The following CRISP1 variants were observed in gnomAD, a reference collection of about 807,000 sequenced individuals.
CRISP1 encodes cysteine rich secretory protein 1, also known as cysteine-rich secretory protein 1.
CRISP1 carries 44 observed loss-of-function variants against 33.1 expected under a neutral mutation model. That is an observed-to-expected ratio of 1.33 (90% CI 1.05 to 1.71). The LOEUF (loss-of-function observed/expected upper bound fraction) is 1.71, where lower values mean the gene tolerates loss of function less well. Ranked by LOEUF, CRISP1 falls within the 40% of genes most tolerant of loss-of-function variation. The probability of loss-of-function intolerance (pLI) is 0.00; values close to 1 mark genes in which losing one functional copy is unlikely to be tolerated. For missense variants in CRISP1, 390 were observed against 301.2 expected (o/e 1.29, Z -2.18); for synonymous variants, 103 against 98.7 (o/e 1.04, Z -0.26).
intron 1 of CRISP1, among the ~76,000 whole-genome samples, chr6:49,862,939 T>C (rs542109135): frequency 5.9e-5 from 9 of 152,010 alleles, no homozygotes. Context: ...CAGAAGTAAA[T>C]TAAGCATTTC....
At chr6:49,835,489 G>A (rs201059811) in intron 7 of CRISP1, 46 bp from the exon 8 acceptor site, 4 of 1,588,172 alleles carry the variant, frequency 2.5e-6, no homozygotes, top group East Asian at 2.3e-5. Context: ...TTTAAAAATC[G>A]CATTTGCTGA....
chr6:49,856,431 A>T (rs901457765), intron 2 of CRISP1, among the ~76,000 whole-genome samples: 2 of 152,056 alleles, frequency 1.3e-5, no homozygotes, highest in Non-Finnish European at 2.9e-5. Flanking sequence ...CTTATTCAGG[A>T]CTCTAATTCA....
intron 3 of CRISP1, 122 bp from the exon 4 acceptor site, chr6:49,848,421 A>G (rs1461059202): frequency 9.3e-6 from 5 of 539,816 alleles, no homozygotes; most frequent in Non-Finnish European, 1.6e-5. Flanking sequence ...AAATTTAAAT[A>G]ATGAGATTAC....
At chr6:49,859,497 G>A (rs1771586372) in intron 1 of CRISP1, among the ~76,000 whole-genome samples, 2 of 151,058 alleles carry the variant, frequency 1.3e-5, no homozygotes, top group Admixed American at 1.3e-4. Context: ...TTCCAGACAA[G>A]CAAAAGCTAA....
At chr6:49,871,482 A>G (rs1210665103), upstream of CRISP1, among the ~76,000 whole-genome samples, 1 of 152,094 alleles carries the variant, frequency 6.6e-6, no homozygotes, top group Admixed American at 6.6e-5. Context: ...AAATATGTAG[A>G]AATACATTAG....
intron 5 of CRISP1, among the ~76,000 whole-genome samples, chr6:49,841,198 A>G (rs1164984398): frequency 3.3e-5 from 5 of 152,156 alleles, no homozygotes; most frequent in East Asian, 1.9e-4. Context: ...GCTGCACACA[A>G]TGGAAACCAG....
At chr6:49,846,153 A>AT (rs1488636212) in intron 5 of CRISP1, among the ~76,000 whole-genome samples, 2 of 152,176 alleles carry the variant, frequency 1.3e-5, no homozygotes, top group African/African-American at 4.8e-5. Flanking sequence ...TAAAATGGTA[A>AT]TTTTTTAAAT....
rs1770711507 is a variant in CRISP1, at chr6:49,834,375, C to T, written c.*941G>A. ...ACCAAGTATTTTTAGCCTTCCCTTTCCCCATGTCAGGCCCTTCAATATTCC... is the reference window on the plus strand; with the variant it reads ...ACCAAGTATTTTTAGCCTTCCCTTTTCCCATGTCAGGCCCTTCAATATTCC... On this transcript the variant is annotated 3_prime_UTR_variant, in exon 8 of 8. Transcript: ENST00000335847. 1 of 151,870 alleles carries T rather than the reference C, an allele frequency of 6.6e-6. No homozygotes were observed. Among genetic ancestry groups the T allele is most frequent in the Non-Finnish European group, 1.5e-5 (1 of 67,986 alleles). The allele number at this position is 151,870 out of a possible 1,614,324, so 9.4% of individuals were successfully genotyped here. A position where few individuals can be genotyped will look rare whatever the true frequency, so the allele number is the denominator to read the frequency against.
At chr6:49,856,092 G>A (rs191141973) in intron 2 of CRISP1, among the ~76,000 whole-genome samples, 1 of 151,968 alleles carries the variant, frequency 6.6e-6, no homozygotes, top group Non-Finnish European at 1.5e-5. Context: ...TGTATTCTTG[G>A]TCAAAAGCGG....
chr6:49,836,393 T>C (rs1770794025), intron 7 of CRISP1, among the ~76,000 whole-genome samples: 2 of 151,256 alleles, frequency 1.3e-5, no homozygotes, highest in South Asian at 4.2e-4. Context: ...AGGAGTGCAG[T>C]GGTGCAATCT....
At chr6:49,864,822 A>G (rs1448165344) in intron 1 of CRISP1, among the ~76,000 whole-genome samples, 1 of 152,110 alleles carries the variant, frequency 6.6e-6, no homozygotes, top group East Asian at 1.9e-4. Flanking sequence ...CAAATGTTTT[A>G]CGAATACCTT....
chr6:49,866,699 A>G (rs566591867), upstream of CRISP1, among the ~76,000 whole-genome samples: 3 of 152,290 alleles, frequency 2.0e-5, no homozygotes, highest in South Asian at 4.1e-4. Context: ...TCATCAATGG[A>G]ACTCACCAAT....
chr6:49,844,771 T>C (rs908773509), intron 5 of CRISP1, among the ~76,000 whole-genome samples: 2 of 152,234 alleles, frequency 1.3e-5, no homozygotes, highest in Non-Finnish European at 2.9e-5. Context: ...TGCTTCCTTT[T>C]CTATTTCTCT....
At chr6:49,871,773 C>T (rs1368557617) in intron 1 of CRISP1, among the ~76,000 whole-genome samples, 3 of 151,982 alleles carry the variant, frequency 2.0e-5, no homozygotes, top group Non-Finnish European at 4.4e-5. Flanking sequence ...TGTATATGTG[C>T]CACATTTTCT....
At chr6:49,870,916 T>C (rs539975492), upstream of CRISP1, among the ~76,000 whole-genome samples, 6 of 151,912 alleles carry the variant, frequency 3.9e-5, no homozygotes, top group African/African-American at 1.4e-4. Context: ...GGCCAATCAA[T>C]GTGGTGAAAC....
In CRISP1 at chr6:49,847,754, T is replaced by C. The variant is rs151227052; in HGVS notation, c.286+455A>G. Among the ~76,000 whole-genome samples, 1,070 of 152,266 alleles carry C rather than the reference T, an allele frequency of 7.0e-3. 16 individuals carry two copies. The highest frequency in any genetic ancestry group is 0.025 in the African/African-American group (1,042 of 41,558). ...GTTACCTAATTTATATGCTTTAAGA[T>C]GGGCTCATTTTTGAGCACCTAAAAT... On this transcript the variant is annotated intron_variant, in intron 4 of 7. Transcript: ENST00000335847.
At chr6:49,869,763 C>T (rs1440485785), upstream of CRISP1, among the ~76,000 whole-genome samples, 1 of 152,050 alleles carries the variant, frequency 6.6e-6, no homozygotes, top group African/African-American at 2.4e-5. Context: ...TGTTGGTGTC[C>T]CCTCAAAGTT....
rs1770751232 is a variant in CRISP1 at position 49,835,352 on chromosome 6, A to C, written c.714T>G (p.Cys238Trp). 1 of 1,613,846 alleles carries C rather than the reference A, an allele frequency of 6.2e-7. No individual in the cohort carries two copies. The highest frequency in any genetic ancestry group is 2.2e-5 in the East Asian group (1 of 44,840). ...CAGTGTCACACAGACAAGTGGCTTT[A>C]CAGAATAGGATAGTTGTTGAGTGGT... ...GCNHSTTILF[C>W]KATCLCDTEI... The change falls in exon 8 of 8, where the codon TGT (cysteine) becomes TGG (tryptophan). Residue 238 changes from cysteine to tryptophan, a missense_variant. Transcript: ENST00000335847.
intron 5 of CRISP1, among the ~76,000 whole-genome samples, chr6:49,842,851 A>G (rs1228103556): frequency 1.3e-5 from 2 of 152,188 alleles, no homozygotes; most frequent in East Asian, 3.9e-4. Context: ...CATGAGAGGA[A>G]TCCATAACTG....
Sources: gnomAD v4.1 joint callset for allele counts (sites outside exome capture counted in the v4.1 genomes callset) on GRCh38, gnomAD v4.1.1 for gene constraint, MANE v1.5 for transcripts, NCBI Gene and HGNC (gene_info 2026-07-23, HGNC 2026-07-21) for gene names.